The following ADGRB3 variants were observed in gnomAD, a reference collection of about 807,000 sequenced individuals.
The protein encoded by ADGRB3 is brain-specific angiogenesis inhibitor 3.
A neutral mutation model predicts 193.4 loss-of-function variants in ADGRB3; 37 were observed. The ratio of observed to expected loss-of-function variants is 0.19; its 90% CI spans 0.15 to 0.25. The LOEUF (loss-of-function observed/expected upper bound fraction) is 0.25. Ranked by LOEUF, ADGRB3 falls within the 10% of genes least tolerant of loss-of-function variation. The pLI, the probability that ADGRB3 is intolerant of heterozygous loss-of-function variation, is 1.00. For synonymous variants in ADGRB3, 690 were observed against 644.2 expected (o/e 1.07, Z -1.08); for missense variants, 1,637 against 1,852.9 (o/e 0.88, Z 2.14).
intron 17 of ADGRB3, among the ~76,000 whole-genome samples, chr6:69,224,699 G>A (rs1376199352): frequency 6.6e-6 from 1 of 152,038 alleles, no homozygotes; most frequent in Non-Finnish European, 1.5e-5. Context: ...ATGAACTAAT[G>A]TATATAGCAG....
chr6:68,744,233 A>G (rs1160066301), intron 3 of ADGRB3, among the ~76,000 whole-genome samples: 1 of 152,180 alleles, frequency 6.6e-6, no homozygotes, highest in Non-Finnish European at 1.5e-5. Flanking sequence ...GAATAAATAT[A>G]TCAAATAAAA....
chr6:68,725,281 A>G (rs1018150431), intron 3 of ADGRB3, among the ~76,000 whole-genome samples: 2 of 151,714 alleles, frequency 1.3e-5, no homozygotes, highest in South Asian at 4.1e-4. Context: ...TATCCCACAT[A>G]TAATATAGAT....
At chr6:68,903,503 A>G (rs563196267) in intron 3 of ADGRB3, among the ~76,000 whole-genome samples, 13 of 152,168 alleles carry the variant, frequency 8.5e-5, no homozygotes, top group Non-Finnish European at 1.8e-4. Flanking sequence ...CTAATAACAC[A>G]ATATCCCATC....
intron 11 of ADGRB3, among the ~76,000 whole-genome samples, chr6:68,997,444 AC>A (rs1769417243): frequency 6.9e-6 from 1 of 145,744 alleles, no homozygotes; most frequent in Admixed American, 7.0e-5. Flanking sequence ...GGAGTTTGAG[AC>A]CAGCCTGGAC....
At chr6:69,377,477 TTCATCTAGAAGCCAGCCATAAAGGAC>T in intron 30 of ADGRB3, among the ~76,000 whole-genome samples, 1 of 152,026 alleles carries the variant, frequency 6.6e-6, no homozygotes, top group Non-Finnish European at 1.5e-5. Context: ...CCCTTCCCTT[TTCATCTAGAAGCCAGCCATAAAGGAC>T]TCATGCAAAC....
At chr6:68,689,479 G>C (rs1765035886) in intron 3 of ADGRB3, among the ~76,000 whole-genome samples, 1 of 152,138 alleles carries the variant, frequency 6.6e-6, no homozygotes, top group South Asian at 2.1e-4. Flanking sequence ...GCTCAGGCCT[G>C]AATACCCTTA....
At chr6:69,332,213 G>A (rs1371825081) in intron 23 of ADGRB3, 2 of 985,258 alleles carry the variant, frequency 2.0e-6, no homozygotes, top group Non-Finnish European at 2.4e-6. Flanking sequence ...ACTTGAAAAA[G>A]GAAAAATATG....
At chr6:68,819,435 T>C (rs929296085) in intron 3 of ADGRB3, among the ~76,000 whole-genome samples, 12 of 152,142 alleles carry the variant, frequency 7.9e-5, no homozygotes, top group African/African-American at 2.9e-4. Flanking sequence ...TTTCTTCTTT[T>C]GTCTGCAACT....
intron 17 of ADGRB3, among the ~76,000 whole-genome samples, chr6:69,085,799 T>C (rs1772532948): frequency 6.6e-6 from 1 of 151,764 alleles, no homozygotes; most frequent in Non-Finnish European, 1.5e-5. Flanking sequence ...AAATATCTCC[T>C]AAAATTCTTA....
rs150408357 is a variant in ADGRB3, at chr6:69,043,894, A to C, written c.2108-4291A>C. On this transcript the variant is annotated intron_variant, in intron 13 of 31. Coordinates refer to ENST00000370598, the MANE Select transcript of ADGRB3 (RefSeq NM_001704.3). ...AGTATACAAAGCAGCAGGAGTAATT[A>C]GCCGGGCGTGGTGGCGGGCGCCTGT... Among the ~76,000 whole-genome samples the C allele has an allele frequency of 5.9e-3, 893 of 152,228 alleles. 8 individuals are homozygous for C. Among genetic ancestry groups the C allele is most frequent in the African/African-American group, 0.02 (828 of 41,534 alleles).
chr6:68,859,895 G>T (rs547608902), intron 3 of ADGRB3, among the ~76,000 whole-genome samples: 3 of 151,978 alleles, frequency 2.0e-5, no homozygotes, highest in South Asian at 4.1e-4. Context: ...TGTTTACATA[G>T]ATAATATCTA....
chr6:69,117,418 G>C (rs1482686966), intron 17 of ADGRB3, among the ~76,000 whole-genome samples: 1 of 152,102 alleles, frequency 6.6e-6, no homozygotes, highest in East Asian at 1.9e-4. Flanking sequence ...GATTTTTGTG[G>C]CTCTCAGGCT....
chr6:68,750,971 C>A (rs897445805), intron 3 of ADGRB3, among the ~76,000 whole-genome samples: 3 of 152,130 alleles, frequency 2.0e-5, no homozygotes, highest in African/African-American at 7.2e-5. Context: ...CTGTCCTAAG[C>A]TTAGCCTATT....
At position 69,031,571 on chromosome 6, in the gene ADGRB3, C is replaced by G. The variant is rs73467733; in HGVS notation, c.2107+13072C>G. 4.1e-3 allele frequency among the ~76,000 whole-genome samples: 434 copies of G among 106,852 alleles called. 2 individuals carry two copies. Among genetic ancestry groups the G allele is most frequent in the African/African-American group, 0.012 (348 of 28,536 alleles). The allele number at this position is 106,852 out of a possible 152,430, so 70.1% of individuals were successfully genotyped here. A position where few individuals can be genotyped will look rare whatever the true frequency, so the allele number is the denominator to read the frequency against. On this transcript the variant is annotated intron_variant, in intron 13 of 31. Transcript: ENST00000370598. ...TTTCTTTTTCTTTCTTTCTTTTCTT[C>G]CTCTGTCTCTGTCTCTCTTTCTTTC...
At chr6:68,827,065 C>T (rs1015305754) in intron 3 of ADGRB3, among the ~76,000 whole-genome samples, 1 of 151,970 alleles carries the variant, frequency 6.6e-6, no homozygotes, top group Non-Finnish European at 1.5e-5. Flanking sequence ...TGACAAGCTC[C>T]CCAAAGTAGT....
intron 3 of ADGRB3, among the ~76,000 whole-genome samples, chr6:68,663,076 A>AAT (rs1768708455): frequency 6.6e-6 from 1 of 151,428 alleles, no homozygotes; most frequent in South Asian, 2.1e-4. Flanking sequence ...AGTAAATCGA[A>AAT]ATACATAAGA....
At chr6:68,887,826 T>C (rs1765952524) in intron 3 of ADGRB3, among the ~76,000 whole-genome samples, 3 of 152,158 alleles carry the variant, frequency 2.0e-5, no homozygotes, top group Admixed American at 1.3e-4. Flanking sequence ...CTGCCCTATA[T>C]TGCCACTAAA....
chr6:68,956,770 G>A lies in ADGRB3; in HGVS notation c.1486G>A (p.Gly496Ser). 6.2e-7 allele frequency: 1 copy of A among 1,614,004 alleles called. No individual in the cohort carries two copies. The highest frequency in any genetic ancestry group is 8.5e-7 in the Non-Finnish European group (1 of 1,179,926). ...AACAGGGCAGCAATGTGAAGGAACG[G>A]GCGAAGAAGTGAGAAGATGCAATGA... ...VITGQQCEGT[G>S]EEVRRCNEQR... Residue 496 changes from glycine to serine, a missense_variant, in exon 8 of 32, where the codon GGC becomes AGC. By Grantham distance (56) the Gly-to-Ser change is moderately conservative (BLOSUM62 0). Transcript: ENST00000370598.
intron 20 of ADGRB3, among the ~76,000 whole-genome samples, chr6:69,242,929 A>G (rs1766415282): frequency 6.6e-6 from 1 of 151,976 alleles, no homozygotes. Context: ...TGAGCTGAGT[A>G]GACTATTTTT....
Sources: allele counts gnomAD v4.1 joint callset (sites outside exome capture counted in the v4.1 genomes callset), GRCh38; gene constraint gnomAD v4.1.1; transcripts MANE v1.5; gene names NCBI Gene and HGNC (gene_info 2026-07-23, HGNC 2026-07-21).